CHD1L: variants seen among roughly 807,000 people sequenced by gnomAD.
CHD1L encodes ATP-dependent chromatin remodeler CHD1L.
In CHD1L, 118 loss-of-function variants were observed where a neutral mutation model predicts 115.9. That is an observed-to-expected ratio of 1.02 (90% CI 0.88 to 1.19). CHD1L has a LOEUF of 1.19. Among genes scored for constraint, CHD1L ranks in the 50% most tolerant of loss-of-function variants. The pLI is 0.00. For missense variants in CHD1L, 1,179 were observed against 1,065.3 expected (o/e 1.11, Z -1.49); for synonymous variants, 411 against 387.1 (o/e 1.06, Z -0.72).
At chr1:147,195,789 T>C in the CHD1L span, among the ~76,000 whole-genome samples, 1 of 152,156 alleles carries the variant, frequency 6.6e-6, no homozygotes, top group African/African-American at 2.4e-5. Flanking sequence ...AGAATGGCAA[T>C]ATATTTTACC....
chr1:147,257,469 CTT>C (rs1478968387), intron 5 of CHD1L, among the ~76,000 whole-genome samples: 1 of 151,848 alleles, frequency 6.6e-6, no homozygotes, highest in Non-Finnish European at 1.5e-5. Flanking sequence ...TAATATTCAA[CTT>C]AATATTTGTT....
In CHD1L at chr1:147,254,358, C is replaced by G. The variant is rs370775428; in HGVS notation, c.241-512C>G. Among the ~76,000 whole-genome samples, 42 of 152,116 alleles carry G rather than the reference C, an allele frequency of 2.8e-4. 1 individual carries two copies. The South Asian group carries it at 8.3e-3, about 30-fold the overall frequency. Reference sequence around the variant, plus strand: ...CAGTGCCTAGCAAATAGAAGACACCCTGTAAATACATATGGAAGAAAGGAA... The same window carrying G: ...CAGTGCCTAGCAAATAGAAGACACCGTGTAAATACATATGGAAGAAAGGAA... On this transcript the variant is annotated intron_variant, in intron 2 of 22. Transcript: ENST00000369258.
At chr1:147,194,164 G>C in the CHD1L span, among the ~76,000 whole-genome samples, 1 of 152,230 alleles carries the variant, frequency 6.6e-6, no homozygotes, top group East Asian at 1.9e-4. Flanking sequence ...AGGTCACTAA[G>C]GACTTGCTTT....
intron 7 of CHD1L, among the ~76,000 whole-genome samples, chr1:147,265,065 C>G (rs1255043817): frequency 6.6e-6 from 1 of 152,182 alleles, no homozygotes; most frequent in Non-Finnish European, 1.5e-5. Flanking sequence ...GTCTTCTGTT[C>G]TTGTACCTTT....
the CHD1L span, chr1:147,224,965 C>A: frequency 6.2e-7 from 1 of 1,614,078 alleles, no homozygotes; most frequent in African/African-American, 1.3e-5. Context: ...TTCTTCTACG[C>A]AGCACTTGAT....
At chr1:147,275,938 G>A (rs587732867) in intron 13 of CHD1L, among the ~76,000 whole-genome samples, 166 bp from the exon 14 acceptor site, 8 of 152,236 alleles carry the variant, frequency 5.3e-5, no homozygotes, top group South Asian at 2.1e-4. Flanking sequence ...AATTTCAGGC[G>A]AGTTCTCTCT....
chr1:147,274,908 CTAG>C (rs1471681923), intron 12 of CHD1L, among the ~76,000 whole-genome samples: 1 of 152,168 alleles, frequency 6.6e-6, no homozygotes, highest in African/African-American at 2.4e-5. Flanking sequence ...ATCTTGCTAC[CTAG>C]TTGTAACTTG....
chr1:147,235,246 A>G, the CHD1L span, among the ~76,000 whole-genome samples: 2 of 152,174 alleles, frequency 1.3e-5, no homozygotes, highest in Admixed American at 1.3e-4. Context: ...ATAATGAGGG[A>G]TAACTTCCAA....
At chr1:147,295,314 G>C in intron 22 of CHD1L, 117 bp from the exon 23 acceptor site, 1 of 718,854 alleles carries the variant, frequency 1.4e-6, no homozygotes, top group Non-Finnish European at 2.4e-6. Flanking sequence ...GATATCGTGA[G>C]AGAATTAAAG....
chr1:147,275,806 A>T (rs1350262808), intron 13 of CHD1L, among the ~76,000 whole-genome samples: 2 of 150,616 alleles, frequency 1.3e-5, no homozygotes, highest in African/African-American at 4.9e-5. Context: ...AGAAAGATAG[A>T]TGTTGCCCTT....
intron 3 of CHD1L, 117 bp from the exon 4 acceptor site, chr1:147,255,696 A>G (rs1669884111): frequency 6.5e-6 from 4 of 617,052 alleles, no homozygotes; most frequent in Non-Finnish European, 1.1e-5. Context: ...CTCTGGTTGT[A>G]GGACCTCATG....
chr1:147,204,609 G>A, the CHD1L span: 542,802 of 1,589,648 alleles, frequency 0.34, 97,185 homozygotes, highest in African/African-American at 0.62. Context: ...GGAGAGCTCC[G>A]GCAAATACCA....
chr1:147,280,674 G>A (rs1357498025), intron 15 of CHD1L, among the ~76,000 whole-genome samples: 1 of 152,182 alleles, frequency 6.6e-6, no homozygotes, highest in Non-Finnish European at 1.5e-5. Context: ...TCCATGAGAT[G>A]TAGGAGATGG....
intron 1 of CHD1L, among the ~76,000 whole-genome samples, chr1:147,245,511 CAGA>C (rs1553933317): frequency 3.3e-5 from 5 of 152,050 alleles, no homozygotes; most frequent in Admixed American, 2.6e-4. Context: ...CAGTTGTACC[CAGA>C]AGATCAGCCT....
chr1:147,255,005 T>C (rs199636134), intron 3 of CHD1L, 29 bp downstream of exon 3: 27 of 1,477,414 alleles, frequency 1.8e-5, no homozygotes, highest in Non-Finnish European at 2.3e-5. Flanking sequence ...TGAAATTTTA[T>C]TGTTTATCTT....
At chr1:147,180,587 G>C in the CHD1L span, among the ~76,000 whole-genome samples, 1 of 152,118 alleles carries the variant, frequency 6.6e-6, no homozygotes, top group Non-Finnish European at 1.5e-5. Context: ...CACTGCGTCC[G>C]GCCTGAAAAG....
the CHD1L span, chr1:147,178,723 A>G: frequency 6.3e-7 from 1 of 1,582,036 alleles, no homozygotes; most frequent in Non-Finnish European, 8.7e-7. Context: ...AGATGGTATC[A>G]TCTTATTTCG....
At chr1:147,275,561 C>CTG in intron 13 of CHD1L, 93 bp downstream of exon 13, 1 of 983,942 alleles carries the variant, frequency 1.0e-6, no homozygotes, top group Non-Finnish European at 1.6e-6. Flanking sequence ...CAGTCCCACA[C>CTG]TGGGAGCTGA....
chr1:147,215,632 GT>G, the CHD1L span: 1 of 656,152 alleles, frequency 1.5e-6, no homozygotes, highest in Non-Finnish European at 2.6e-6. Context: ...TTTTGCCTGG[GT>G]AGGATAAATA....
Sources: allele counts gnomAD v4.1 joint callset (sites outside exome capture counted in the v4.1 genomes callset), GRCh38; gene constraint gnomAD v4.1.1; transcripts MANE v1.5; gene names NCBI Gene and HGNC (gene_info 2026-07-23, HGNC 2026-07-21).